Variants in UNC13C observed in about 807,000 individuals in gnomAD.
UNC13C encodes unc-13 homolog C, also known as protein unc-13 homolog C.
UNC13C carries 174 observed loss-of-function variants against 245.4 expected under a neutral mutation model. The ratio of observed to expected loss-of-function variants is 0.71; its 90% CI spans 0.63 to 0.80. The LOEUF (loss-of-function observed/expected upper bound fraction) is 0.80, where lower values mean the gene tolerates loss of function less well. UNC13C is among the 30% of genes least tolerant of loss of function. The probability of loss-of-function intolerance (pLI) is 0.00; values close to 1 mark genes in which losing one functional copy is unlikely to be tolerated. For synonymous variants in UNC13C, 992 were observed against 895.1 expected (o/e 1.11, Z -1.93); for missense variants, 2,829 against 2,602.9 (o/e 1.09, Z -1.89).
At chr15:54,591,689 T>C (rs1898797762) in intron 30 of UNC13C, among the ~76,000 whole-genome samples, 1 of 152,190 alleles carries the variant, frequency 6.6e-6, no homozygotes, top group Non-Finnish European at 1.5e-5. Flanking sequence ...TTTTCTTGGT[T>C]AATCTTGCTA....
chr15:54,121,148 C>A (rs1036981414), intron 2 of UNC13C, among the ~76,000 whole-genome samples: 3 of 152,136 alleles, frequency 2.0e-5, no homozygotes, highest in Non-Finnish European at 4.4e-5. Context: ...ACAGGCAAAT[C>A]TTTCCCAGAA....
chr15:54,185,674 C>G (rs2033955351), intron 4 of UNC13C, among the ~76,000 whole-genome samples: 2 of 146,984 alleles, frequency 1.4e-5, no homozygotes, highest in African/African-American at 5.3e-5. Context: ...GTTACTGTAG[C>G]CTTGTAGTAG....
chr15:54,472,381 C>T (rs1892509418), intron 19 of UNC13C, among the ~76,000 whole-genome samples: 1 of 151,800 alleles, frequency 6.6e-6, no homozygotes, highest in Non-Finnish European at 1.5e-5. Flanking sequence ...TTATCATTGA[C>T]TTGCCCATTG....
chr15:54,368,012 G>T (rs561903836), intron 17 of UNC13C, among the ~76,000 whole-genome samples: 2 of 152,230 alleles, frequency 1.3e-5, no homozygotes, highest in Admixed American at 6.5e-5. Flanking sequence ...ACTTCAGCTG[G>T]ACTGCAACTA....
At chr15:54,110,358 T>G (rs1406940271) in intron 2 of UNC13C, among the ~76,000 whole-genome samples, 7 of 152,126 alleles carry the variant, frequency 4.6e-5, no homozygotes, top group Admixed American at 2.6e-4. Flanking sequence ...CAAACAGTAC[T>G]TTTCAAATAT....
intron 24 of UNC13C, 101 bp downstream of exon 24, chr15:54,511,931 T>G (rs1894764470): frequency 1.3e-6 from 1 of 768,710 alleles, no homozygotes; most frequent in African/African-American, 1.8e-5. Context: ...TTTACATGGT[T>G]AACTAAGAAC....
chr15:54,038,479 T>G (rs1896683448), intron 2 of UNC13C, among the ~76,000 whole-genome samples: 1 of 152,082 alleles, frequency 6.6e-6, no homozygotes, highest in Admixed American at 6.6e-5. Context: ...ATGTTAGCAA[T>G]CACTTGTTAA....
intron 22 of UNC13C, among the ~76,000 whole-genome samples, chr15:54,502,348 G>A (rs1894258160): frequency 6.6e-6 from 1 of 152,112 alleles, no homozygotes; most frequent in Non-Finnish European, 1.5e-5. Context: ...AAGAAGCAGA[G>A]ACAGACAGAG....
chr15:53,856,013 T>C, the UNC13C span, among the ~76,000 whole-genome samples: 1 of 152,172 alleles, frequency 6.6e-6, no homozygotes, highest in African/African-American at 2.4e-5. Flanking sequence ...CTTGGTTCAG[T>C]ATTGGGAGTG....
chr15:54,146,440 A>C (rs1013680093), intron 4 of UNC13C, among the ~76,000 whole-genome samples: 1 of 152,202 alleles, frequency 6.6e-6, no homozygotes, highest in Non-Finnish European at 1.5e-5. Flanking sequence ...CAGATAATGA[A>C]ATTAATAATT....
At chr15:54,266,196 C>T (rs1046678544) in intron 10 of UNC13C, among the ~76,000 whole-genome samples, 4 of 151,896 alleles carry the variant, frequency 2.6e-5, no homozygotes, top group African/African-American at 9.7e-5. Flanking sequence ...TAGGTAAATA[C>T]ACCCAGAACA....
At chr15:53,980,937 T>TG (rs1893901380) in intron 1 of UNC13C, among the ~76,000 whole-genome samples, 1 of 152,170 alleles carries the variant, frequency 6.6e-6, no homozygotes, top group African/African-American at 2.4e-5. Context: ...TAAGAGCCCA[T>TG]GGGTCATTGG....
intron 4 of UNC13C, among the ~76,000 whole-genome samples, chr15:54,227,738 G>C (rs1015958397): frequency 6.6e-6 from 1 of 152,222 alleles, no homozygotes; most frequent in Non-Finnish European, 1.5e-5. Flanking sequence ...CCCATGTCCA[G>C]CACCACAGCT....
chr15:53,941,431 A>G, the UNC13C span, among the ~76,000 whole-genome samples: 1 of 152,154 alleles, frequency 6.6e-6, no homozygotes, highest in Admixed American at 6.5e-5. Flanking sequence ...GCAACCAAAG[A>G]AAAAATTGAC....
At position 54,092,694 on chromosome 15, in the gene UNC13C, C is replaced by T. The variant is rs544489993; in HGVS notation, c.2984-50324C>T. Among the ~76,000 whole-genome samples the T allele has an allele frequency of 1.1e-4, 17 of 152,230 alleles. No individual in the cohort carries two copies. The South Asian group carries it at 3.1e-3, about 28-fold the overall frequency. On this transcript the variant is annotated intron_variant, in intron 2 of 32. Coordinates refer to ENST00000260323, the MANE Select transcript of UNC13C (RefSeq NM_001080534.3). The stretch of plus-strand genomic sequence containing the variant: ...TTAGAAGTCCATTGGGGAAGGTAGA[C>T]ATTCAAATAATGAACTCATAGTATC...
chr15:54,085,672 C>T (rs1230609035), intron 2 of UNC13C, among the ~76,000 whole-genome samples: 1 of 151,730 alleles, frequency 6.6e-6, no homozygotes, highest in Non-Finnish European at 1.5e-5. Flanking sequence ...TTCTCAAATC[C>T]CTGCCCTCAA....
At chr15:53,918,353 C>T in the UNC13C span, among the ~76,000 whole-genome samples, 1 of 151,398 alleles carries the variant, frequency 6.6e-6, no homozygotes, top group East Asian at 1.9e-4. Context: ...ATTTCCTACT[C>T]AGATTTTTTT....
chr15:54,352,499 T>C (rs2039007346), intron 17 of UNC13C, among the ~76,000 whole-genome samples: 1 of 151,688 alleles, frequency 6.6e-6, no homozygotes, highest in Non-Finnish European at 1.5e-5. Flanking sequence ...AGACATAGTC[T>C]CTTTTATTAA....
intron 17 of UNC13C, among the ~76,000 whole-genome samples, chr15:54,354,424 A>G (rs1044660952): frequency 1.3e-5 from 2 of 152,182 alleles, no homozygotes; most frequent in Non-Finnish European, 2.9e-5. Context: ...CCTTATAAAA[A>G]TGGAGGAGAT....
Sources: allele counts gnomAD v4.1 joint callset (sites outside exome capture counted in the v4.1 genomes callset), GRCh38; gene constraint gnomAD v4.1.1; transcripts MANE v1.5; gene names NCBI Gene and HGNC (gene_info 2026-07-23, HGNC 2026-07-21).